LTBP1: variants seen among roughly 807,000 people sequenced by gnomAD.
LTBP1 encodes the protein latent-transforming growth factor beta-binding protein 1.
Under a neutral mutation model 207.6 loss-of-function variants are expected in LTBP1, and 129 were observed. That is an observed-to-expected ratio of 0.62 (90% CI 0.54 to 0.72). The LOEUF (loss-of-function observed/expected upper bound fraction) is 0.72. LTBP1 is among the 30% of genes least tolerant of loss of function. The pLI, the probability that LTBP1 is intolerant of heterozygous loss-of-function variation, is 0.00. For missense variants in LTBP1, 2,281 were observed against 2,217.2 expected (o/e 1.03, Z -0.58); for synonymous variants, 963 against 833.7 (o/e 1.16, Z -2.67).
chr2:33,334,987 G>C (rs148172865), intron 24 of LTBP1, among the ~76,000 whole-genome samples: 3 of 151,992 alleles, frequency 2.0e-5, no homozygotes, highest in Non-Finnish European at 4.4e-5. Flanking sequence ...GCTGAGGTAG[G>C]AGGATTGCTT....
intron 19 of LTBP1, among the ~76,000 whole-genome samples, chr2:33,283,893 A>G (rs1264450126): frequency 6.6e-6 from 1 of 152,154 alleles, no homozygotes; most frequent in Non-Finnish European, 1.5e-5. Flanking sequence ...CACTGAGTAC[A>G]TGTTTTTACA....
At chr2:33,252,611 A>G (rs532930046) in intron 10 of LTBP1, 66 bp from the exon 11 acceptor site, 8 of 1,439,560 alleles carry the variant, frequency 5.6e-6, no homozygotes, top group South Asian at 1.4e-5. Flanking sequence ...TCATTTTACT[A>G]TCATTTGGAA....
At position 33,300,494 on chromosome 2, in the gene LTBP1, G is replaced by A. The variant is rs767673049; in HGVS notation, c.3279G>A (p.Gln1093=). 7 of 1,613,716 alleles carry A rather than the reference G, an allele frequency of 4.3e-6. No individual in the cohort carries two copies. The Admixed American group carries it at 1.0e-4, about 23-fold the overall frequency. ...AAGGGAATCTATGTGTAAACGGGCAGTGCAAAAATACCGAGGGCTCCTTCA... is the reference window on the plus strand; with the variant it reads ...AAGGGAATCTATGTGTAAACGGGCAATGCAAAAATACCGAGGGCTCCTTCA... The part of the protein sequence containing the change: ...CQQGNLCVNG[Q]CKNTEGSFRC... Residue 1093 remains glutamine (Q), a synonymous_variant, in exon 21 of 34, where the codon CAG becomes CAA. Coordinates refer to ENST00000404816, the MANE Select transcript of LTBP1 (RefSeq NM_206943.4).
chr2:33,068,804 TG>T (rs1436084231), intron 3 of LTBP1, among the ~76,000 whole-genome samples: 1 of 152,200 alleles, frequency 6.6e-6, no homozygotes, highest in Non-Finnish European at 1.5e-5. Flanking sequence ...TTTTGAATTT[TG>T]TCAATGAAAA....
intron 22 of LTBP1, among the ~76,000 whole-genome samples, chr2:33,304,963 C>G (rs2094061471): frequency 6.6e-6 from 1 of 152,200 alleles, no homozygotes; most frequent in South Asian, 2.1e-4. Context: ...GGCAATAAAC[C>G]AAACAGAAAT....
intron 20 of LTBP1, among the ~76,000 whole-genome samples, chr2:33,296,924 T>C (rs1478608531): frequency 6.6e-6 from 1 of 152,082 alleles, no homozygotes; most frequent in African/African-American, 2.4e-5. Context: ...AGAGATCATG[T>C]AGAGAGAATG....
chr2:33,143,051 C>T (rs1224625648), intron 5 of LTBP1, among the ~76,000 whole-genome samples: 1 of 152,218 alleles, frequency 6.6e-6, no homozygotes, highest in East Asian at 1.9e-4. Flanking sequence ...CAATCCTCTA[C>T]TTCTGCCAAA....
intron 3 of LTBP1, among the ~76,000 whole-genome samples, chr2:33,099,837 A>C (rs552746551): frequency 6.6e-6 from 1 of 152,276 alleles, no homozygotes; most frequent in Non-Finnish European, 1.5e-5. Flanking sequence ...GCTGGCTAGT[A>C]AGAGGGAAAA....
At chr2:33,115,794 TCAG>T (rs1558656147) in intron 4 of LTBP1, among the ~76,000 whole-genome samples, 1 of 152,178 alleles carries the variant, frequency 6.6e-6, no homozygotes, top group Non-Finnish European at 1.5e-5. Flanking sequence ...ATAAAAATGG[TCAG>T]TCAAGATTAG....
intron 23 of LTBP1, among the ~76,000 whole-genome samples, chr2:33,310,910 A>C (rs1353885074): frequency 6.6e-6 from 1 of 152,166 alleles, no homozygotes; most frequent in African/African-American, 2.4e-5. Flanking sequence ...TACCCAATAA[A>C]TGTTATTTTT....
intron 2 of LTBP1, among the ~76,000 whole-genome samples, chr2:32,949,669 A>C (rs1248635524): frequency 6.6e-6 from 1 of 152,240 alleles, no homozygotes; most frequent in Non-Finnish European, 1.5e-5. Flanking sequence ...CTCATTGGAC[A>C]TAAAGGAGCC....
intron 11 of LTBP1, 74 bp downstream of exon 11, chr2:33,252,918 G>C (rs2092724008): frequency 1.6e-6 from 2 of 1,274,698 alleles, no homozygotes; most frequent in Admixed American, 2.5e-5. Context: ...TGGCACCTTG[G>C]GTCATTTGTG....
chr2:33,066,069 A>T (rs1053790191), intron 3 of LTBP1, among the ~76,000 whole-genome samples: 1 of 152,124 alleles, frequency 6.6e-6, no homozygotes, highest in Non-Finnish European at 1.5e-5. Context: ...TCTTTATATA[A>T]TACTATGAAC....
chr2:33,259,807 A>C (rs929229249), intron 13 of LTBP1, among the ~76,000 whole-genome samples, 197 bp downstream of exon 13: 2 of 152,164 alleles, frequency 1.3e-5, no homozygotes, highest in African/African-American at 4.8e-5. Context: ...TCTCAGTGTT[A>C]GGAAAACAAT....
chr2:32,958,288 A>G (rs1433980450), intron 2 of LTBP1, among the ~76,000 whole-genome samples: 1 of 152,208 alleles, frequency 6.6e-6, no homozygotes, highest in East Asian at 1.9e-4. Flanking sequence ...AAAAACGCAT[A>G]GAGAGCAGGG....
intron 2 of LTBP1, among the ~76,000 whole-genome samples, chr2:32,962,163 G>A (rs1679227365): frequency 6.6e-6 from 1 of 151,522 alleles, no homozygotes; most frequent in Non-Finnish European, 1.5e-5. Flanking sequence ...ATTGACCATC[G>A]AGTTTACCAA....
At chr2:33,302,312 T>G (rs970393730) in intron 22 of LTBP1, among the ~76,000 whole-genome samples, 1 of 152,336 alleles carries the variant, frequency 6.6e-6, no homozygotes, top group East Asian at 1.9e-4. Context: ...GAGGTTTCAC[T>G]GCATTTAGAG....
intron 2 of LTBP1, among the ~76,000 whole-genome samples, chr2:32,962,922 C>G (rs539018108): frequency 1.3e-5 from 2 of 152,396 alleles, no homozygotes; most frequent in East Asian, 3.9e-4. Flanking sequence ...CCTGATACAG[C>G]TGTGGCTTGA....
intron 2 of LTBP1, among the ~76,000 whole-genome samples, chr2:32,985,342 A>G (rs1249650807): frequency 9.9e-5 from 15 of 152,122 alleles, no homozygotes; most frequent in Admixed American, 9.8e-4. Context: ...TCGCTACAGT[A>G]AGCCCATGAT....
Sources: gnomAD v4.1 joint callset for allele counts (sites outside exome capture counted in the v4.1 genomes callset) on GRCh38, gnomAD v4.1.1 for gene constraint, MANE v1.5 for transcripts, NCBI Gene and HGNC (gene_info 2026-07-23, HGNC 2026-07-21) for gene names.